The following MARCHF1 variants were observed in gnomAD, a reference collection of about 807,000 sequenced individuals.
MARCHF1 encodes the protein E3 ubiquitin-protein ligase MARCHF1.
Under a neutral mutation model 54.2 loss-of-function variants are expected in MARCHF1, and 40 were observed. The ratio of observed to expected loss-of-function variants is 0.74; its 90% CI spans 0.57 to 0.96. MARCHF1 has a LOEUF of 0.96. Ranked by LOEUF, MARCHF1 falls within the 40% of genes least tolerant of loss-of-function variation. The pLI is 0.00. For missense variants in MARCHF1, 586 were observed against 656.5 expected (o/e 0.89, Z 1.17); for synonymous variants, 236 against 236.3 (o/e 1.00, Z 0.01).
At chr4:163,835,051 T>A (rs1053084529) in intron 4 of MARCHF1, among the ~76,000 whole-genome samples, 1 of 152,088 alleles carries the variant, frequency 6.6e-6, no homozygotes, top group African/African-American at 2.4e-5. Flanking sequence ...CCTGGCTAAT[T>A]TTTAAATTTA....
chr4:164,357,455 C>T (rs1391956491), intron 1 of MARCHF1, among the ~76,000 whole-genome samples: 1 of 152,100 alleles, frequency 6.6e-6, no homozygotes, highest in African/African-American at 2.4e-5. Flanking sequence ...AGAATCATCT[C>T]CCCATCTCAA....
At chr4:164,075,956 T>G (rs17044453) in intron 2 of MARCHF1, among the ~76,000 whole-genome samples, 8,492 of 152,194 alleles carry the variant, frequency 0.056, 584 homozygotes, top group African/African-American at 0.17. Flanking sequence ...TATAGATTTG[T>G]ACCCAAATTC....
intron 2 of MARCHF1, among the ~76,000 whole-genome samples, chr4:164,049,208 T>C (rs6536777): frequency 0.25 from 37,758 of 152,012 alleles, 6,383 homozygotes; most frequent in East Asian, 0.48. Flanking sequence ...TGGTGGCAGG[T>C]GAGAGAGAGA....
intron 3 of MARCHF1, among the ~76,000 whole-genome samples, chr4:163,945,403 T>C (rs542131532): frequency 2.0e-5 from 3 of 152,278 alleles, no homozygotes; most frequent in Admixed American, 1.3e-4. Flanking sequence ...TGTCAATCTG[T>C]TTGGGGTTGA....
At chr4:164,223,303 T>C (rs567795747) in intron 1 of MARCHF1, among the ~76,000 whole-genome samples, 1 of 152,174 alleles carries the variant, frequency 6.6e-6, no homozygotes, top group South Asian at 2.1e-4. Context: ...TATAATTTTA[T>C]TGTTTTATTC....
At chr4:163,595,702 T>C (rs1452227369) in intron 7 of MARCHF1, among the ~76,000 whole-genome samples, 1 of 151,952 alleles carries the variant, frequency 6.6e-6, no homozygotes, top group African/African-American at 2.4e-5. Flanking sequence ...TACAAAATAG[T>C]CAAACACAAA....
rs951733073 is a variant in MARCHF1, at chr4:163,995,259, T to A, written c.-247-6550A>T. Among the ~76,000 whole-genome samples, 3 of 152,202 alleles carry A rather than the reference T, an allele frequency of 2.0e-5. No homozygotes were observed. The South Asian group carries it at 6.2e-4, about 32-fold the overall frequency. On this transcript the variant is annotated intron_variant, in intron 2 of 9. Transcript: ENST00000514618. Reference sequence around the variant, plus strand: ...AGGTGTATGGGTTTATTACAGAGGATACAGATGAAGAGATGCATAGAGCAA... The same window carrying A: ...AGGTGTATGGGTTTATTACAGAGGAAACAGATGAAGAGATGCATAGAGCAA...
At chr4:163,739,092 C>T (rs1422854345) in intron 4 of MARCHF1, among the ~76,000 whole-genome samples, 1 of 152,184 alleles carries the variant, frequency 6.6e-6, no homozygotes, top group Non-Finnish European at 1.5e-5. Flanking sequence ...ATACAATACT[C>T]AACAAATATA....
At chr4:164,357,740 G>A (rs796856783) in intron 1 of MARCHF1, among the ~76,000 whole-genome samples, 2 of 152,248 alleles carry the variant, frequency 1.3e-5, no homozygotes, top group African/African-American at 2.4e-5. Context: ...ATTTTACAAT[G>A]GGTACTGAAG....
At chr4:164,176,962 CTCTCT>C in intron 1 of MARCHF1, among the ~76,000 whole-genome samples, 1 of 42,274 alleles carries the variant, frequency 2.4e-5, no homozygotes, top group South Asian at 1.2e-3. Flanking sequence ...CTCTCTCTCT[CTCTCT>C]CTCTCTCTCT....
intron 1 of MARCHF1, among the ~76,000 whole-genome samples, chr4:164,274,327 G>C (rs1373669994): frequency 6.6e-6 from 1 of 152,150 alleles, no homozygotes; most frequent in African/African-American, 2.4e-5. Context: ...CTCTTAGCAA[G>C]TAATTGTTTC....
chr4:164,026,206 A>T (rs1753765460), intron 2 of MARCHF1, among the ~76,000 whole-genome samples: 4 of 152,124 alleles, frequency 2.6e-5, no homozygotes, highest in Admixed American at 2.6e-4. Context: ...AAAAACTGAG[A>T]AGTAGGGGCT....
chr4:163,669,041 GTGCT>G (rs1390420915), intron 5 of MARCHF1, among the ~76,000 whole-genome samples: 5 of 152,106 alleles, frequency 3.3e-5, no homozygotes, highest in African/African-American at 1.2e-4. Flanking sequence ...CACTTCTCTG[GTGCT>G]TCAAGCTGAG....
At chr4:164,052,135 G>GTTTTTTTTTTT (rs5863653) in intron 2 of MARCHF1, among the ~76,000 whole-genome samples, 2 of 123,734 alleles carry the variant, frequency 1.6e-5, no homozygotes, top group Non-Finnish European at 3.6e-5. Flanking sequence ...TCTTTTGGAA[G>GTTTTTTTTTTT]TTTTTTTTTT....
At chr4:163,612,175 T>C in intron 7 of MARCHF1, 96 bp downstream of exon 7, 1 of 1,052,800 alleles carries the variant, frequency 9.5e-7, no homozygotes, top group Non-Finnish European at 1.3e-6. Context: ...TGTAAATAAA[T>C]GTTAAGTTTT....
chr4:163,709,639 C>T (rs1745048951), intron 4 of MARCHF1, among the ~76,000 whole-genome samples: 1 of 152,120 alleles, frequency 6.6e-6, no homozygotes, highest in South Asian at 2.1e-4. Flanking sequence ...CAAGATGATA[C>T]AGGACCTGGA....
chr4:164,215,329 C>G (rs973273171), intron 1 of MARCHF1, among the ~76,000 whole-genome samples: 10 of 152,120 alleles, frequency 6.6e-5, no homozygotes, highest in Admixed American at 2.6e-4. Context: ...CTTCTGCTGG[C>G]CTGCTCCCCT....
At chr4:163,689,445 A>G (rs1026525203) in intron 5 of MARCHF1, among the ~76,000 whole-genome samples, 3 of 152,230 alleles carry the variant, frequency 2.0e-5, no homozygotes, top group African/African-American at 7.2e-5. Context: ...CCATAGCTAT[A>G]TTGTCCAATG....
In MARCHF1 at chr4:164,061,805, C is replaced by G. The variant is rs1754622698; in HGVS notation, c.-248+49783G>C. On this transcript the variant is annotated intron_variant, in intron 2 of 9. Transcript: ENST00000514618. Reference sequence around the variant, plus strand: ...ATAAAAATAATAATGATTATCTAAGCCTTCAGTGAGTTTCAATCTTTTTGC... The same window carrying G: ...ATAAAAATAATAATGATTATCTAAGGCTTCAGTGAGTTTCAATCTTTTTGC... Among the ~76,000 whole-genome samples, 3 of 148,416 alleles carry G rather than the reference C, an allele frequency of 2.0e-5. No individual in the cohort carries two copies. In the East Asian group the frequency reaches 5.8e-4, roughly 29 times the overall value.
Sources: allele counts gnomAD v4.1 joint callset (sites outside exome capture counted in the v4.1 genomes callset), GRCh38; gene constraint gnomAD v4.1.1; transcripts MANE v1.5; gene names NCBI Gene and HGNC (gene_info 2026-07-23, HGNC 2026-07-21).